XRCC5: variants seen among roughly 807,000 people sequenced by gnomAD.
XRCC5 encodes DNA repair protein Ku80.
XRCC5 carries 12 observed loss-of-function variants against 95.7 expected under a neutral mutation model. That is an observed-to-expected ratio of 0.13 (90% CI 0.08 to 0.20). The LOEUF (loss-of-function observed/expected upper bound fraction) is 0.20, where lower values mean the gene tolerates loss of function less well. XRCC5 is among the 10% of genes least tolerant of loss of function. The pLI is 1.00. For missense variants in XRCC5, 595 were observed against 873.9 expected (o/e 0.68, Z 4.02); for synonymous variants, 281 against 290.3 (o/e 0.97, Z 0.33).
chr2:216,177,153 A>G (rs1483887126), intron 16 of XRCC5, among the ~76,000 whole-genome samples: 14 of 152,244 alleles, frequency 9.2e-5, no homozygotes, highest in Admixed American at 9.2e-4. Context: ...GGCCTTAAAA[A>G]GTACATGTAT....
At chr2:216,117,669 G>T (rs1333119574) in intron 3 of XRCC5, 77 bp from the exon 4 acceptor site, 14 of 1,468,648 alleles carry the variant, frequency 9.5e-6, no homozygotes, top group Non-Finnish European at 9.5e-7. Context: ...TTTCCAGCAC[G>T]GTGGACTTCA....
intron 16 of XRCC5, among the ~76,000 whole-genome samples, chr2:216,178,271 A>T (rs886219302): frequency 2.0e-5 from 3 of 152,216 alleles, no homozygotes; most frequent in Non-Finnish European, 4.4e-5. Flanking sequence ...GCACATGCTT[A>T]TATGGGGGAA....
At chr2:216,111,593 T>G (rs1696592271) in intron 1 of XRCC5, among the ~76,000 whole-genome samples, 1 of 152,206 alleles carries the variant, frequency 6.6e-6, no homozygotes, top group South Asian at 2.1e-4. Flanking sequence ...CTGACTTAAA[T>G]ATCTAGTTAT....
At chr2:216,158,510 T>G (rs1688889601) in intron 14 of XRCC5, among the ~76,000 whole-genome samples, 1 of 152,252 alleles carries the variant, frequency 6.6e-6, no homozygotes, top group Admixed American at 6.5e-5. Context: ...CTGACCTTTT[T>G]TTTTAAAACA....
In XRCC5 at chr2:216,205,227, G is replaced by A. The variant is rs372662048; in HGVS notation, c.*25G>A. ...GGTCGTGGATGTATGGGGAATCTAAGAGAGCTGCCATCGCTGTGATGCTGG... is the reference window on the plus strand; with the variant it reads ...GGTCGTGGATGTATGGGGAATCTAAAAGAGCTGCCATCGCTGTGATGCTGG... On this transcript the variant is annotated 3_prime_UTR_variant, in exon 21 of 21. Transcript: ENST00000392132. 1.5e-5 allele frequency: 25 copies of A among 1,613,966 alleles called. 1 individual carries two copies. The African/African-American group carries it at 3.1e-4, about 20-fold the overall frequency.
intron 6 of XRCC5, among the ~76,000 whole-genome samples, chr2:216,124,707 ATTCTCT>A (rs1696876011): frequency 6.6e-6 from 1 of 152,194 alleles, no homozygotes; most frequent in African/African-American, 2.4e-5. Flanking sequence ...ATGTAAAATA[ATTCTCT>A]TTACCACTTT....
intron 16 of XRCC5, among the ~76,000 whole-genome samples, chr2:216,187,821 A>ACACACACACC (rs1312215177): frequency 4.2e-5 from 2 of 47,946 alleles, no homozygotes; most frequent in African/African-American, 2.0e-4. Context: ...ACACACACAC[A>ACACACACACC]CTCTCTCTCT....
intron 16 of XRCC5, among the ~76,000 whole-genome samples, chr2:216,187,824 C>CTT (rs1689531098): frequency 3.0e-5 from 1 of 33,558 alleles, no homozygotes; most frequent in Non-Finnish European, 6.0e-5. Context: ...CACACACACT[C>CTT]TCTCTCTCTC....
chr2:216,163,061 A>G (rs939971241), intron 16 of XRCC5, among the ~76,000 whole-genome samples: 3 of 152,054 alleles, frequency 2.0e-5, no homozygotes, highest in Non-Finnish European at 1.5e-5. Flanking sequence ...GCTGACTTCT[A>G]CGTATGTGAG....
chr2:216,151,846 C>G (rs1688751454), intron 14 of XRCC5, among the ~76,000 whole-genome samples: 1 of 152,058 alleles, frequency 6.6e-6, no homozygotes, highest in Middle Eastern at 3.2e-3. Context: ...AAAGAAATAC[C>G]CAAGACTGGG....
chr2:216,155,565 T>C (rs999608685), intron 14 of XRCC5, among the ~76,000 whole-genome samples: 1 of 152,110 alleles, frequency 6.6e-6, no homozygotes. Flanking sequence ...CAGTAGGACA[T>C]TAGAAGCAAC....
Position 216,138,177 on chromosome 2 carries a change from C to G in XRCC5, c.1340C>G (p.Thr447Ser), listed in dbSNP as rs1232860962. 1.2e-6 allele frequency: 2 copies of G among 1,612,116 alleles called. No homozygotes were observed. Among genetic ancestry groups the G allele is most frequent in the South Asian group, 2.2e-5 (2 of 91,056 alleles). ...SLKNSKKYAP[T>S]EAQLNAVDAL... The stretch of plus-strand genomic sequence containing the variant: ...AAAAACAGTAAGAAATATGCTCCCA[C>G]CGGTGAGTTTGTTTTCATTTAGATC... The change falls in exon 12 of 21, where the codon ACC (threonine) becomes AGC (serine). Residue 447 changes from threonine to serine, a missense_variant and splice_region_variant. By Grantham distance (58) the Thr-to-Ser change is moderately conservative. Coordinates refer to ENST00000392132, the MANE Select transcript of XRCC5 (RefSeq NM_021141.4).
At chr2:216,127,410 C>A in intron 7 of XRCC5, 126 bp from the exon 8 acceptor site, 2 of 1,139,880 alleles carry the variant, frequency 1.8e-6, no homozygotes, top group Non-Finnish European at 2.4e-6. Flanking sequence ...CATGAGCAAA[C>A]AAAATAATGG....
Position 216,205,298 on chromosome 2 carries a change from A to C in XRCC5, c.*96A>C. ...GGATGCGGCCATTCAAGGGGAGCCAAAATCTCAAGAAATTCCCAGCAGGTT... is the reference window on the plus strand; with the variant it reads ...GGATGCGGCCATTCAAGGGGAGCCACAATCTCAAGAAATTCCCAGCAGGTT... On this transcript the variant is annotated 3_prime_UTR_variant, in exon 21 of 21. Transcript: ENST00000392132. The C allele has an allele frequency of 5.4e-6, 8 of 1,476,982 alleles. No homozygotes were observed. Among genetic ancestry groups the C allele is most frequent in the Non-Finnish European group, 7.6e-6 (8 of 1,055,498 alleles). 91.5% of individuals were successfully genotyped at this position (1,476,982 alleles called of 1,614,324 possible).
At chr2:216,203,175 C>CT (rs1399280292) in intron 19 of XRCC5, among the ~76,000 whole-genome samples, 1 of 152,092 alleles carries the variant, frequency 6.6e-6, no homozygotes, top group African/African-American at 2.4e-5. Context: ...GGCTGGAAGG[C>CT]TCTCTCACCG....
At chr2:216,195,316 T>G (rs1689694141) in intron 19 of XRCC5, among the ~76,000 whole-genome samples, 1 of 146,834 alleles carries the variant, frequency 6.8e-6, no homozygotes, top group Admixed American at 6.9e-5. Context: ...TGGCCACACA[T>G]TAGTTACTTG....
chr2:216,127,357 C>T (rs944219884), intron 7 of XRCC5, among the ~76,000 whole-genome samples, 179 bp from the exon 8 acceptor site: 1 of 152,072 alleles, frequency 6.6e-6, no homozygotes, highest in African/African-American at 2.4e-5. Context: ...GAAGGTTATC[C>T]AGTATATTTT....
chr2:216,117,616 T>G, intron 3 of XRCC5, 130 bp from the exon 4 acceptor site: 1 of 795,948 alleles, frequency 1.3e-6, no homozygotes, highest in Non-Finnish European at 2.1e-6. Flanking sequence ...AGAAGGGCAC[T>G]CAGGCAAGTA....
chr2:216,181,753 T>C (rs1350221307), intron 16 of XRCC5, among the ~76,000 whole-genome samples: 1 of 152,158 alleles, frequency 6.6e-6, no homozygotes, highest in African/African-American at 2.4e-5. Flanking sequence ...TGCTTGGGAG[T>C]AATAAGAATT....
Sources: gnomAD v4.1 joint callset for allele counts (sites outside exome capture counted in the v4.1 genomes callset) on GRCh38, gnomAD v4.1.1 for gene constraint, MANE v1.5 for transcripts, NCBI Gene and HGNC (gene_info 2026-07-23, HGNC 2026-07-21) for gene names.